Variants in RBL1 observed in about 807,000 individuals in gnomAD.
RBL1 encodes RB transcriptional corepressor like 1, also known as retinoblastoma-like protein 1.
Under a neutral mutation model 123.0 loss-of-function variants are expected in RBL1, and 82 were observed. The observed-to-expected ratio is 0.67, with a 90% CI of 0.56 to 0.80. The LOEUF (loss-of-function observed/expected upper bound fraction) is 0.80, where lower values mean the gene tolerates loss of function less well. Ranked by LOEUF, RBL1 falls within the 30% of genes least tolerant of loss-of-function variation. The pLI, the probability that RBL1 is intolerant of heterozygous loss-of-function variation, is 0.00. For synonymous variants in RBL1, 405 were observed against 441.3 expected (o/e 0.92, Z 1.03); for missense variants, 1,171 against 1,299.6 (o/e 0.90, Z 1.52).
At chr20:37,087,716 A>G (rs568347133) in intron 2 of RBL1, among the ~76,000 whole-genome samples, 2 of 152,370 alleles carry the variant, frequency 1.3e-5, no homozygotes, top group South Asian at 2.1e-4. Flanking sequence ...ATAAATAGAC[A>G]TGATAAGCAA....
chr20:37,040,648 T>C (rs41279268), intron 13 of RBL1, among the ~76,000 whole-genome samples: 18,416 of 152,220 alleles, frequency 0.12, 1,173 homozygotes, highest in African/African-American at 0.15. Flanking sequence ...CCACTGTGCC[T>C]GGCCGAAAAA....
intron 19 of RBL1, among the ~76,000 whole-genome samples, chr20:37,012,014 T>C (rs909574620): frequency 6.6e-6 from 1 of 152,230 alleles, no homozygotes; most frequent in African/African-American, 2.4e-5. Context: ...AGGCGCGCGC[T>C]GTCACGCCTG....
chr20:37,067,529 G>A (rs2146303735), intron 3 of RBL1, among the ~76,000 whole-genome samples: 1 of 152,072 alleles, frequency 6.6e-6, no homozygotes, highest in Non-Finnish European at 1.5e-5. Flanking sequence ...AGCACTCTGG[G>A]AGGCCGAGGT....
intron 11 of RBL1, among the ~76,000 whole-genome samples, chr20:37,050,609 A>G (rs945422843): frequency 1.3e-5 from 2 of 151,368 alleles, no homozygotes; most frequent in Admixed American, 6.6e-5. Flanking sequence ...AAAACAAGAG[A>G]AGAAATTAAG....
intron 1 of RBL1, among the ~76,000 whole-genome samples, chr20:37,093,130 CA>C (rs755199031): frequency 8.6e-5 from 13 of 151,846 alleles, no homozygotes; most frequent in Non-Finnish European, 1.8e-4. Flanking sequence ...GAAGGCCTCA[CA>C]AAAGGAGACA....
chr20:37,047,817 T>A lies in RBL1; in HGVS notation c.1468-627A>T, dbSNP rs1188211870. Among the ~76,000 whole-genome samples, 3 of 151,822 alleles carry A rather than the reference T, an allele frequency of 2.0e-5. No individual in the cohort carries two copies. In the South Asian group the frequency reaches 6.2e-4, roughly 32 times the overall value. Reference sequence around the variant, plus strand: ...CATGATGGTGAAACCCCGTCTCTACTAAAAATACAAAAATTAGCTGGGTGT... The same window carrying A: ...CATGATGGTGAAACCCCGTCTCTACAAAAAATACAAAAATTAGCTGGGTGT... On this transcript the variant is annotated intron_variant, in intron 11 of 21. Transcript: ENST00000373664.
Position 37,091,637 on chromosome 20 carries a change from G to C in RBL1, c.157-2515C>G, listed in dbSNP as rs561430206. On this transcript the variant is annotated intron_variant, in intron 1 of 21. Transcript: ENST00000373664. Reference sequence around the variant, plus strand: ...GCTGTGACTGACCCACTGGACTCCAGCAAGGGTGAAAGAACGAGACTCTAT... The same window carrying C: ...GCTGTGACTGACCCACTGGACTCCACCAAGGGTGAAAGAACGAGACTCTAT... Among the ~76,000 whole-genome samples, 14 of 145,228 alleles carry C rather than the reference G, an allele frequency of 9.6e-5. No homozygotes were observed. The East Asian group carries it at 2.6e-3, about 27-fold the overall frequency.
rs1242191928 is a variant in RBL1 at position 37,032,841 on chromosome 20, G to GT, written c.2205dup (p.Pro736ThrfsTer35). 6.2e-7 allele frequency: 1 copy of GT among 1,613,968 alleles called. No homozygotes were observed. Among genetic ancestry groups the GT allele is most frequent in the Middle Eastern group, 1.7e-4 (1 of 6,058 alleles). ...TCCTGATTTGTATTCATGGAAAGAGGTATCAGTGTGATCTCTCCAGCATCA... is the reference window on the plus strand; with the variant it reads ...TCCTGATTTGTATTCATGGAAAGAGGTTATCAGTGTGATCTCTCCAGCATCA... On this transcript the variant is annotated frameshift_variant, in exon 16 of 22. Transcript: ENST00000373664. LOFTEE classifies it high-confidence loss of function.
chr20:37,054,406 C>A (rs943504211), intron 11 of RBL1, among the ~76,000 whole-genome samples: 59 of 151,818 alleles, frequency 3.9e-4, no homozygotes, highest in African/African-American at 1.4e-3. Flanking sequence ...ACTGCTTGAA[C>A]TCGCGAGGCG....
intron 19 of RBL1, among the ~76,000 whole-genome samples, chr20:37,016,037 T>C (rs2064246480): frequency 6.8e-6 from 1 of 147,474 alleles, no homozygotes; most frequent in South Asian, 2.2e-4. Flanking sequence ...TTTTTTTTTT[T>C]TTTTTCTTGA....
chr20:37,015,709 C>T (rs1255549563), intron 19 of RBL1, among the ~76,000 whole-genome samples: 2 of 150,938 alleles, frequency 1.3e-5, no homozygotes, highest in African/African-American at 2.4e-5. Flanking sequence ...GGATTACAGG[C>T]GTGAGCCACC....
At chr20:37,057,043 ACC>A (rs2065023725) in intron 9 of RBL1, among the ~76,000 whole-genome samples, 1 of 151,174 alleles carries the variant, frequency 6.6e-6, no homozygotes, top group Non-Finnish European at 1.5e-5. Flanking sequence ...CTACCTACCT[ACC>A]TACCTATCTA....
At chr20:36,999,438 C>CTCTCCCTCCTCTCCCTCCCTCCTCTCT (rs2063927320) in intron 21 of RBL1, among the ~76,000 whole-genome samples, 1 of 141,418 alleles carries the variant, frequency 7.1e-6, no homozygotes, top group South Asian at 2.2e-4. Context: ...CCCTCCTCTC[C>CTCTCCCTCCTCTCCCTCCCTCCTCTCT]CTCTCCCTCC....
intron 11 of RBL1, among the ~76,000 whole-genome samples, chr20:37,053,701 G>C (rs1235075556): frequency 6.6e-6 from 1 of 152,084 alleles, no homozygotes; most frequent in Non-Finnish European, 1.5e-5. Context: ...GTTAGCCTAT[G>C]GTAAAATTGG....
chr20:37,030,160 G>A (rs939258098), intron 16 of RBL1, among the ~76,000 whole-genome samples: 4 of 152,164 alleles, frequency 2.6e-5, no homozygotes, highest in African/African-American at 7.2e-5. Context: ...CAAAGTTGGA[G>A]GTCTCACACC....
intron 9 of RBL1, among the ~76,000 whole-genome samples, chr20:37,060,472 TTA>T (rs2065076382): frequency 1.3e-5 from 2 of 152,036 alleles, no homozygotes; most frequent in African/African-American, 2.4e-5. Flanking sequence ...TGAAATAACA[TTA>T]TATATAATTT....
At chr20:37,037,107 T>C (rs548010310) in intron 14 of RBL1, among the ~76,000 whole-genome samples, 70 of 152,352 alleles carry the variant, frequency 4.6e-4, no homozygotes, top group African/African-American at 1.6e-3. Context: ...AGTGCAAATT[T>C]CTATAGTTGT....
intron 18 of RBL1, among the ~76,000 whole-genome samples, chr20:37,020,381 ACCC>A (rs1238587373): frequency 1.3e-5 from 2 of 152,100 alleles, no homozygotes; most frequent in African/African-American, 4.8e-5. Context: ...GAGACACCGC[ACCC>A]AGCCATTATA....
chr20:37,003,974 A>G, intron 20 of RBL1, 108 bp from the exon 21 acceptor site: 1 of 971,126 alleles, frequency 1.0e-6, no homozygotes. Flanking sequence ...GTTATACTGT[A>G]AAAAGCTCAT....
Sources: gnomAD v4.1 joint callset for allele counts (sites outside exome capture counted in the v4.1 genomes callset) on GRCh38, gnomAD v4.1.1 for gene constraint, MANE v1.5 for transcripts, NCBI Gene and HGNC (gene_info 2026-07-23, HGNC 2026-07-21) for gene names.